Variants in LAP3 observed in about 807,000 individuals in gnomAD.
LAP3 encodes cytosol aminopeptidase.
LAP3 carries 46 observed loss-of-function variants against 58.8 expected under a neutral mutation model. That is an observed-to-expected ratio of 0.78 (90% CI 0.62 to 1.00). The LOEUF is 1.00. LAP3 is among the 50% of genes least tolerant of loss of function. The probability of loss-of-function intolerance (pLI) is 0.00; values close to 1 mark genes in which losing one functional copy is unlikely to be tolerated. For synonymous variants in LAP3, 257 were observed against 237.7 expected, an observed-to-expected ratio of 1.08 and a Z score of -0.75; for missense variants, 615 against 659.1, an observed-to-expected ratio of 0.93 and a Z score of 0.73.
At position 17,579,823 on chromosome 4, in the gene LAP3, G is replaced by A. The variant is rs1260595962; in HGVS notation, c.103-1G>A. The A allele has an allele frequency of 5.1e-6, 8 of 1,582,640 alleles. No individual in the cohort carries two copies. Among genetic ancestry groups the A allele is most frequent in the Non-Finnish European group, 6.9e-6 (8 of 1,154,654 alleles). ...TATTTACGTTTTTTGCTTATTCCCA[G>A]GGCCTTGTTTTAGGAATCTATTCCA... On this transcript the variant is annotated splice_acceptor_variant, in intron 1 of 12. Transcript: ENST00000226299. LOFTEE classifies it high-confidence loss of function.
Position 17,583,555 on chromosome 4 carries a change from C to A in LAP3, c.452C>A (p.Ala151Asp), listed in dbSNP as rs1577219258. 6.2e-7 allele frequency: 1 copy of A among 1,614,036 alleles called. No individual in the cohort carries two copies. Among genetic ancestry groups the A allele is most frequent in the Non-Finnish European group, 8.5e-7 (1 of 1,180,044 alleles). ...EVDPCGDAQA[A>D]AEGAVLGLYE... Reference sequence around the variant, plus strand: ...GATCCCTGTGGAGACGCTCAGGCTGCTGCGGAGGGAGCGGTGCTTGGTCTC... The same window carrying A: ...GATCCCTGTGGAGACGCTCAGGCTGATGCGGAGGGAGCGGTGCTTGGTCTC... The change falls in exon 5 of 13, where the codon GCT (alanine) becomes GAT (aspartate). Residue 151 changes from alanine to aspartate, a missense_variant. By Grantham distance (126) the Ala-to-Asp change is moderately radical. Coordinates refer to ENST00000226299, the MANE Select transcript of LAP3 (RefSeq NM_015907.3).
At chr4:17,578,872 C>T (rs57039133) in intron 1 of LAP3, among the ~76,000 whole-genome samples, 10,133 of 152,082 alleles carry the variant, frequency 0.067, 1,101 homozygotes, top group African/African-American at 0.23. Context: ...ACAGTCCTTA[C>T]GATGGGAGGC....
Position 17,577,358 on chromosome 4 carries a change from A to C in LAP3, c.-108A>C. ...CGTCCGCTCGCCCGGCGCCCGAGCC[A>C]GTCCGCGCGCACGCCGTCTGCGCCC... On this transcript the variant is annotated 5_prime_UTR_variant, in exon 1 of 13. Transcript: ENST00000226299. The C allele has an allele frequency of 2.5e-6, 2 of 784,660 alleles. No individual in the cohort carries two copies. Among genetic ancestry groups the C allele is most frequent in the Non-Finnish European group, 3.8e-6 (2 of 531,468 alleles). 48.6% of individuals were successfully genotyped at this position (784,660 alleles called of 1,614,324 possible).
rs776035890 is a variant in LAP3 at position 17,607,356 on chromosome 4, A to G, written c.1371-44A>G. 7.7e-6 allele frequency: 12 copies of G among 1,550,928 alleles called. No individual in the cohort carries two copies. The East Asian group carries it at 2.7e-4, about 35-fold the overall frequency. Reference sequence around the variant, plus strand: ...TAGCAAAAATGTGGGATCTCAGTGCACATTTACATGGGGTTGTAAAGTGCT... The same window carrying G: ...TAGCAAAAATGTGGGATCTCAGTGCGCATTTACATGGGGTTGTAAAGTGCT... On this transcript the variant is annotated intron_variant, in intron 12 of 12. Coordinates refer to ENST00000226299, the MANE Select transcript of LAP3 (RefSeq NM_015907.3).
intron 10 of LAP3, among the ~76,000 whole-genome samples, chr4:17,603,815 T>G (rs986792852): frequency 1.2e-5 from 1 of 84,132 alleles, no homozygotes; most frequent in South Asian, 3.7e-4. Context: ...CGCCTGGCCT[T>G]TTTTTTTTTT....
chr4:17,591,410 G>A (rs1713687768), intron 7 of LAP3, among the ~76,000 whole-genome samples: 1 of 152,054 alleles, frequency 6.6e-6, no homozygotes, highest in African/African-American at 2.4e-5. Context: ...CAAAGTGCTG[G>A]GATTACCGGT....
At chr4:17,593,609 GT>G (rs55676326) in intron 7 of LAP3, among the ~76,000 whole-genome samples, 961 of 87,542 alleles carry the variant, frequency 0.011, 7 homozygotes, top group African/African-American at 0.04. Context: ...ATCTGCTTGG[GT>G]TTTTTTTTTT....
chr4:17,593,254 C>T (rs1009884129), intron 7 of LAP3, among the ~76,000 whole-genome samples: 2 of 151,902 alleles, frequency 1.3e-5, no homozygotes, highest in East Asian at 1.9e-4. Context: ...TAGATTTTGA[C>T]GCTATGCTTC....
At chr4:17,597,339 G>A (rs1357457928) in intron 9 of LAP3, among the ~76,000 whole-genome samples, 1 of 152,176 alleles carries the variant, frequency 6.6e-6, no homozygotes, top group African/African-American at 2.4e-5. Flanking sequence ...GCAGTGGCGT[G>A]ATCATGTCTC....
In LAP3 at chr4:17,579,838, A is replaced by G. The variant is rs765463485; in HGVS notation, c.117A>G (p.Gly39=). Reference sequence around the variant, plus strand: ...CTTATTCCCAGGGCCTTGTTTTAGGAATCTATTCCAAAGAAAAAGAAGATG... The same window carrying G: ...CTTATTCCCAGGGCCTTGTTTTAGGGATCTATTCCAAAGAAAAAGAAGATG... ...TADMTKGLVL[G]IYSKEKEDDV... The change falls in exon 2 of 13, where the codon GGA becomes GGG. Residue 39 remains glycine (G), a synonymous_variant. Coordinates refer to ENST00000226299, the MANE Select transcript of LAP3 (RefSeq NM_015907.3). 7 of 1,605,232 alleles carry G rather than the reference A, an allele frequency of 4.4e-6. No individual in the cohort carries two copies. The highest frequency in any genetic ancestry group is 2.7e-5 in the African/African-American group (2 of 74,566).
chr4:17,577,520 G>T lies in LAP3; in HGVS notation c.55G>T (p.Val19Leu), dbSNP rs145644500. The T allele has an allele frequency of 3.5e-5, 56 of 1,586,486 alleles. No homozygotes were observed. Among genetic ancestry groups the T allele is most frequent in the Non-Finnish European group, 4.5e-5 (53 of 1,168,086 alleles). The change falls in exon 1 of 13, where the codon GTG (valine) becomes TTG (leucine). Residue 19 changes from valine (V) to leucine (L), a missense_variant. Val to Leu is a conservative substitution (Grantham distance 32, BLOSUM62 1). Transcript: ENST00000226299. The stretch of plus-strand genomic sequence containing the variant: ...GCGAGTAGTCGTCCGACGTCTGGCC[G>T]TGAGACGTTTCGGGAGCCGGAGTCT... ...AGRVVVRRLA[V>L]RRFGSRSLST...
intron 5 of LAP3, among the ~76,000 whole-genome samples, chr4:17,583,942 C>A (rs1222777703): frequency 6.6e-6 from 1 of 152,236 alleles, no homozygotes; most frequent in African/African-American, 2.4e-5. Flanking sequence ...ACATATCCCA[C>A]AGGTTTCAAC....
chr4:17,583,385 A>C, intron 4 of LAP3, 98 bp from the exon 5 acceptor site: 1 of 1,314,588 alleles, frequency 7.6e-7, no homozygotes, highest in Non-Finnish European at 1.1e-6. Context: ...TTTGAACCCC[A>C]GGGCTGTTTT....
At chr4:17,600,769 A>G (rs1350334743) in intron 10 of LAP3, among the ~76,000 whole-genome samples, 4 of 152,166 alleles carry the variant, frequency 2.6e-5, no homozygotes, top group Non-Finnish European at 1.5e-5. Flanking sequence ...CAGGCTCTTG[A>G]TAGGAGGAAG....
chr4:17,589,346 C>A (rs1713617867), intron 7 of LAP3, among the ~76,000 whole-genome samples: 1 of 152,092 alleles, frequency 6.6e-6, no homozygotes, highest in Admixed American at 6.5e-5. Flanking sequence ...CAGACATGAG[C>A]CACTGTGCCT....
chr4:17,589,632 A>G (rs568081663), intron 7 of LAP3, among the ~76,000 whole-genome samples: 1 of 151,436 alleles, frequency 6.6e-6, no homozygotes, highest in Non-Finnish European at 1.5e-5. Context: ...TCCTTTTTTT[A>G]AAAAAAATAT....
At chr4:17,580,776 A>G (rs1197183344) in intron 2 of LAP3, among the ~76,000 whole-genome samples, 1 of 152,158 alleles carries the variant, frequency 6.6e-6, no homozygotes, top group Non-Finnish European at 1.5e-5. Flanking sequence ...AAAAGTCTCC[A>G]TGGGGCTGGA....
intron 6 of LAP3, chr4:17,586,159 G>A (rs1482933616): frequency 6.6e-6 from 1 of 152,198 alleles, no homozygotes; most frequent in African/African-American, 2.4e-5. Context: ...GTCCAGTTCC[G>A]TCGCTCTCTT....
At chr4:17,584,232 T>C (rs1009848607) in intron 5 of LAP3, among the ~76,000 whole-genome samples, 2 of 152,208 alleles carry the variant, frequency 1.3e-5, no homozygotes, top group African/African-American at 4.8e-5. Flanking sequence ...CACTTACTCG[T>C]TGGGGGACCT....
Sources: allele counts gnomAD v4.1 joint callset (sites outside exome capture counted in the v4.1 genomes callset), GRCh38; gene constraint gnomAD v4.1.1; transcripts MANE v1.5; gene names NCBI Gene and HGNC (gene_info 2026-07-23, HGNC 2026-07-21).